Variants in CLDN10 observed in about 807,000 individuals in gnomAD.
CLDN10 encodes claudin 10.
CLDN10 carries 15 observed loss-of-function variants against 22.9 expected under a neutral mutation model. That is an observed-to-expected ratio of 0.65 (90% CI 0.44 to 1.01). The LOEUF (loss-of-function observed/expected upper bound fraction) is 1.01, where lower values mean the gene tolerates loss of function less well. Ranked by LOEUF, CLDN10 falls within the 50% of genes least tolerant of loss-of-function variation. CLDN10 has a pLI of 0.00. For synonymous variants in CLDN10, 114 were observed against 111.4 expected (o/e 1.02, Z -0.15); for missense variants, 247 against 287.8 (o/e 0.86, Z 1.03).
At chr13:95,523,791 C>T (rs940782897) in intron 1 of CLDN10, among the ~76,000 whole-genome samples, 5 of 152,080 alleles carry the variant, frequency 3.3e-5, no homozygotes, top group African/African-American at 1.2e-4. Flanking sequence ...TTGACTTTGG[C>T]ACGCTTTATA....
rs1594628480 is a variant in CLDN10 at position 95,578,167 on chromosome 13, T to C, written c.*153T>C. Reference sequence around the variant, plus strand: ...TTGATTGTATGGATGTAAGTGTTCTTACATAGTTAGTTATATACTAATCAT... The same window carrying C: ...TTGATTGTATGGATGTAAGTGTTCTCACATAGTTAGTTATATACTAATCAT... On this transcript the variant is annotated 3_prime_UTR_variant, in exon 5 of 5. Transcript: ENST00000299339. The C allele has an allele frequency of 1.9e-6, 1 of 538,028 alleles. No individual in the cohort carries two copies. The highest frequency in any genetic ancestry group is 3.3e-6 in the Non-Finnish European group (1 of 301,210). 33.3% of individuals were successfully genotyped at this position (538,028 alleles called of 1,614,324 possible). A position where few individuals can be genotyped will look rare whatever the true frequency, so the allele number is the denominator to read the frequency against.
At chr13:95,444,645 G>C (rs2042355062) in intron 1 of CLDN10, among the ~76,000 whole-genome samples, 1 of 152,230 alleles carries the variant, frequency 6.6e-6, no homozygotes, top group Non-Finnish European at 1.5e-5. Flanking sequence ...GTTTGCCAAG[G>C]AAAGGAGGGC....
At chr13:95,541,226 CTTG>C (rs774369922) in intron 1 of CLDN10, among the ~76,000 whole-genome samples, 33 of 152,310 alleles carry the variant, frequency 2.2e-4, no homozygotes, top group Admixed American at 2.6e-4. Flanking sequence ...CTTTCTAACA[CTTG>C]TTGGAGGCAG....
At chr13:95,472,334 A>C (rs1016780134) in intron 1 of CLDN10, among the ~76,000 whole-genome samples, 10 of 152,124 alleles carry the variant, frequency 6.6e-5, no homozygotes, top group Admixed American at 6.5e-4. Context: ...AACAGACAAA[A>C]AATAAAAGGC....
intron 1 of CLDN10, among the ~76,000 whole-genome samples, chr13:95,460,022 T>A (rs984708057): frequency 3.3e-5 from 5 of 152,160 alleles, no homozygotes; most frequent in African/African-American, 1.2e-4. Context: ...AAGTTCAAAT[T>A]TCCACAGATC....
chr13:95,537,496 T>C (rs763385665), intron 1 of CLDN10, among the ~76,000 whole-genome samples: 3 of 152,168 alleles, frequency 2.0e-5, no homozygotes, highest in South Asian at 2.1e-4. Context: ...AAAAAGGTGC[T>C]GAAGTAGAAT....
chr13:95,434,507 C>T (rs1195416244), intron 1 of CLDN10, among the ~76,000 whole-genome samples: 1 of 131,880 alleles, frequency 7.6e-6, no homozygotes, highest in South Asian at 2.4e-4. Flanking sequence ...ACAGAGGTAT[C>T]TATATGTGTG....
intron 1 of CLDN10, among the ~76,000 whole-genome samples, chr13:95,523,419 T>A (rs1033132520): frequency 1.3e-5 from 2 of 152,230 alleles, no homozygotes; most frequent in African/African-American, 4.8e-5. Context: ...GTTATTATCA[T>A]CCGTTTAAGT....
intron 1 of CLDN10, among the ~76,000 whole-genome samples, chr13:95,507,967 G>A (rs1330230914): frequency 6.6e-6 from 1 of 151,824 alleles, no homozygotes; most frequent in Non-Finnish European, 1.5e-5. Flanking sequence ...GTATGCCGGT[G>A]GTCCCAGCTA....
At chr13:95,521,536 C>T (rs528332848) in intron 1 of CLDN10, among the ~76,000 whole-genome samples, 3 of 152,218 alleles carry the variant, frequency 2.0e-5, no homozygotes, top group South Asian at 4.1e-4. Flanking sequence ...TAAAACCAGC[C>T]TGATAATTAT....
intron 1 of CLDN10, among the ~76,000 whole-genome samples, chr13:95,434,461 A>C (rs1480429502): frequency 1.1e-4 from 14 of 129,470 alleles, no homozygotes; most frequent in African/African-American, 2.8e-4. Flanking sequence ...CTCTCTCTAT[A>C]TATATATACA....
chr13:95,561,444 C>T (rs914967649), intron 3 of CLDN10, among the ~76,000 whole-genome samples: 2 of 152,136 alleles, frequency 1.3e-5, no homozygotes, highest in Non-Finnish European at 2.9e-5. Context: ...AAAATAATAG[C>T]TAGCGCATGT....
intron 1 of CLDN10, among the ~76,000 whole-genome samples, chr13:95,471,009 G>C (rs1003745746): frequency 1.3e-5 from 2 of 152,246 alleles, no homozygotes; most frequent in South Asian, 2.1e-4. Context: ...GGCTAGAGGG[G>C]GAAAGGAGAC....
At chr13:95,560,007 A>G in intron 1 of CLDN10, 125 bp from the exon 2 acceptor site, 7 of 909,396 alleles carry the variant, frequency 7.7e-6, no homozygotes, top group Non-Finnish European at 1.2e-5. Flanking sequence ...TTGTCTTGCC[A>G]CATGTTTTCA....
intron 1 of CLDN10, among the ~76,000 whole-genome samples, chr13:95,516,459 G>C (rs2043168930): frequency 6.6e-6 from 1 of 152,152 alleles, no homozygotes. Context: ...AACTTCAAAT[G>C]AATGGCTGTG....
intron 1 of CLDN10, among the ~76,000 whole-genome samples, chr13:95,447,833 C>T (rs936156615): frequency 3.3e-5 from 5 of 151,912 alleles, no homozygotes; most frequent in Non-Finnish European, 7.4e-5. Flanking sequence ...TCTATTCCAG[C>T]TTCAAGTCTG....
intron 3 of CLDN10, among the ~76,000 whole-genome samples, chr13:95,576,241 T>TCTCCTGGACCTCTTACTTTCTTGCCTC (rs2043923020): frequency 6.6e-6 from 1 of 152,156 alleles, no homozygotes; most frequent in Admixed American, 6.5e-5. Flanking sequence ...TGTCTTGCCT[T>TCTCCTGGACCTCTTACTTTCTTGCCTC]CTCCTGGACC....
Position 95,471,615 on chromosome 13 carries a change from G to A in CLDN10, c.214+37568G>A, listed in dbSNP as rs544722300. Among the ~76,000 whole-genome samples the A allele has an allele frequency of 6.7e-3, 1,022 of 151,718 alleles. 5 individuals are homozygous for A. Among genetic ancestry groups the A allele is most frequent in the Non-Finnish European group, 9.1e-3 (620 of 67,954 alleles). Reference sequence around the variant, plus strand: ...TTACAGTCGCTCACCACCACACCTGGCTAATTTTGTATTTTTAGTAAAGAC... The same window carrying A: ...TTACAGTCGCTCACCACCACACCTGACTAATTTTGTATTTTTAGTAAAGAC... On this transcript the variant is annotated intron_variant, in intron 1 of 4. Transcript: ENST00000376873.
chr13:95,446,578 A>G (rs1475761319), intron 1 of CLDN10, among the ~76,000 whole-genome samples: 1 of 152,252 alleles, frequency 6.6e-6, no homozygotes, highest in Non-Finnish European at 1.5e-5. Context: ...GCAGTGGCTC[A>G]CGCCTGTAAT....
Sources: gnomAD v4.1 joint callset for allele counts (sites outside exome capture counted in the v4.1 genomes callset) on GRCh38, gnomAD v4.1.1 for gene constraint, MANE v1.5 for transcripts, NCBI Gene and HGNC (gene_info 2026-07-23, HGNC 2026-07-21) for gene names.